The following SHROOM2 variants were observed in gnomAD, a reference collection of about 807,000 sequenced individuals.
SHROOM2 encodes the protein protein Shroom2.
SHROOM2 carries 33 observed loss-of-function variants against 75.9 expected under a neutral mutation model. The observed-to-expected ratio is 0.43, with a 90% CI of 0.33 to 0.58. The LOEUF is 0.58. Among genes scored for constraint, SHROOM2 ranks in the 20% least tolerant of loss-of-function variants. SHROOM2 has a pLI of 0.04. For synonymous variants in SHROOM2, 655 were observed against 663.6 expected (o/e 0.99, Z 0.20); for missense variants, 1,434 against 1,461.2 (o/e 0.98, Z 0.30).
At chrX:9,860,631 C>T (rs1343470517) in intron 1 of SHROOM2, among the ~76,000 whole-genome samples, 2 of 111,406 alleles carry the variant, frequency 1.8e-5, no homozygotes, top group African/African-American at 3.3e-5. Flanking sequence ...ACCATGTTGC[C>T]CAAGCTGGTC....
intron 1 of SHROOM2, among the ~76,000 whole-genome samples, chrX:9,856,044 T>A (rs866455723): frequency 1.3e-3 from 137 of 106,703 alleles, no homozygotes; most frequent in Middle Eastern, 4.8e-3. Flanking sequence ...TTTTTTTTTT[T>A]AAAGCAAAAC....
chrX:9,929,844 T>C (rs1425828594), intron 5 of SHROOM2, among the ~76,000 whole-genome samples: 2 of 111,611 alleles, frequency 1.8e-5, no homozygotes, highest in Non-Finnish European at 3.8e-5. Context: ...AATTGAATCA[T>C]GGGGCCTGGT....
At chrX:9,827,153 C>G (rs1007574051) in intron 1 of SHROOM2, among the ~76,000 whole-genome samples, 4 of 109,666 alleles carry the variant, frequency 3.6e-5, no homozygotes, top group Non-Finnish European at 7.6e-5. Flanking sequence ...CTAAAGAACA[C>G]CAGGAGAGTC....
chrX:9,818,889 A>G, intron 1 of SHROOM2: 4 of 537,805 alleles, frequency 7.4e-6, no homozygotes, highest in Non-Finnish European at 1.4e-5. Flanking sequence ...TGCACCTTTG[A>G]GCTTCCTCAG....
chrX:9,807,827 C>T (rs1480589159), intron 1 of SHROOM2, among the ~76,000 whole-genome samples: 1 of 111,983 alleles, frequency 8.9e-6, no homozygotes, highest in Non-Finnish European at 1.9e-5. Context: ...TTCCTGCCCG[C>T]CCTAGGCTGC....
At chrX:9,848,510 C>CAA (rs774991614) in intron 1 of SHROOM2, among the ~76,000 whole-genome samples, 7 of 21,970 alleles carry the variant, frequency 3.2e-4, no homozygotes, top group Admixed American at 1.5e-3. Context: ...GACTCCGTCT[C>CAA]AAAAAAAAAA....
chrX:9,864,441 G>C (rs1033429811), intron 1 of SHROOM2, among the ~76,000 whole-genome samples: 28 of 111,301 alleles, frequency 2.5e-4, no homozygotes, highest in African/African-American at 7.8e-4. Context: ...GACCAAAGCA[G>C]GAGGTCAAGG....
At chrX:9,941,971 CA>C (rs56088322) in intron 8 of SHROOM2, among the ~76,000 whole-genome samples, 178 of 54,437 alleles carry the variant, frequency 3.3e-3, no homozygotes, top group Non-Finnish European at 5.0e-3. Context: ...GACTCCGTCT[CA>C]AAAAAAAAAA....
At chrX:9,821,786 A>G (rs1305120201) in intron 1 of SHROOM2, among the ~76,000 whole-genome samples, 5 of 111,738 alleles carry the variant, frequency 4.5e-5, no homozygotes. Context: ...CGGAGTGCAG[A>G]GGGGAGGGTC....
chrX:9,792,910 A>G (rs185745881), intron 1 of SHROOM2, among the ~76,000 whole-genome samples: 2 of 110,982 alleles, frequency 1.8e-5, no homozygotes, highest in African/African-American at 6.6e-5. Flanking sequence ...GGGTTTCACC[A>G]TGGTAGCCAG....
Position 9,896,210 on chromosome X carries a change from A to T in SHROOM2, c.2302A>T (p.Lys768Ter). The stretch of plus-strand genomic sequence containing the variant: ...ATTGAAGTCCTACTCGGAACCTGAG[A>T]AGATGAACGAGGTGGGCCTCACGAG... Reference protein sequence around the residue: ...QKLKSYSEPEKMNEVGLTRGY... With the variant: ...QKLKSYSEPE The change falls in exon 4 of 10, where the codon AAG becomes TAG. Residue 768 changes from lysine (K) to a stop codon, truncating the protein, a stop_gained. Coordinates refer to ENST00000380913, the MANE Select transcript of SHROOM2 (RefSeq NM_001649.4). LOFTEE classifies it high-confidence loss of function. 2 of 1,211,559 alleles carry T rather than the reference A, an allele frequency of 1.7e-6. No individual in the cohort carries two copies. The highest frequency in any genetic ancestry group is 2.2e-6 in the Non-Finnish European group (2 of 895,467).
intron 1 of SHROOM2, among the ~76,000 whole-genome samples, chrX:9,862,870 C>A (rs1004059226): frequency 8.9e-6 from 1 of 112,345 alleles, no homozygotes; most frequent in African/African-American, 3.2e-5. Context: ...CTGTAAATTC[C>A]TCTGACACAC....
chrX:9,810,460 A>G (rs1022854059), intron 1 of SHROOM2, among the ~76,000 whole-genome samples: 3 of 111,076 alleles, frequency 2.7e-5, no homozygotes, highest in Non-Finnish European at 5.7e-5. Context: ...CCCAGCCAAC[A>G]CTGTAACTCC....
At chrX:9,858,110 G>A (rs1429580441) in intron 1 of SHROOM2, among the ~76,000 whole-genome samples, 2 of 112,027 alleles carry the variant, frequency 1.8e-5, no homozygotes, top group Non-Finnish European at 3.8e-5. Context: ...AAAAAAGAAA[G>A]ATAGCCCTTG....
intron 5 of SHROOM2, among the ~76,000 whole-genome samples, chrX:9,898,827 A>T (rs1249166504): frequency 8.9e-6 from 1 of 112,113 alleles, no homozygotes; most frequent in Non-Finnish European, 1.9e-5. Flanking sequence ...CCTCCCAAAG[A>T]GAGGCTTCAA....
chrX:9,837,253 C>G (rs763885392), intron 1 of SHROOM2, among the ~76,000 whole-genome samples: 1 of 112,632 alleles, frequency 8.9e-6, no homozygotes, highest in East Asian at 2.8e-4. Context: ...CGCATAAGTC[C>G]TTAGAACATC....
chrX:9,799,869 C>T (rs1400750725), intron 1 of SHROOM2, among the ~76,000 whole-genome samples: 2 of 111,602 alleles, frequency 1.8e-5, no homozygotes, highest in African/African-American at 3.3e-5. Flanking sequence ...ATCAACTTTT[C>T]GTCTGAACTC....
At chrX:9,918,794 T>TG (rs934972246) in intron 5 of SHROOM2, among the ~76,000 whole-genome samples, 3 of 111,945 alleles carry the variant, frequency 2.7e-5, no homozygotes, top group Admixed American at 1.9e-4. Flanking sequence ...TATCCTTGAG[T>TG]GCTTCTTATG....
rs2084314167 is a variant in SHROOM2 at position 9,894,680 on chromosome X, C to T, written c.772C>T (p.Pro258Ser). ...GGRQAQAAGD[P>S]QGSEEKLSCF... ...CCGGCAGGCCCAGGCCGCAGGCGAC[C>T]CTCAGGGCTCGGAGGAGAAGCTCAG... The change falls in exon 4 of 10, where the codon CCT becomes TCT. Residue 258 changes from proline (P) to serine (S), a missense_variant. This residue lies in a region of SHROOM2 where 1,340 missense variants were observed against 1,338.3 expected (regional missense o/e 1.00). Transcript: ENST00000380913. 1 of 1,210,197 alleles carries T rather than the reference C, an allele frequency of 8.3e-7. No homozygotes were observed.
Sources: gnomAD v4.1 joint callset for allele counts (sites outside exome capture counted in the v4.1 genomes callset) on GRCh38, gnomAD v4.1.1 for gene constraint, gnomAD v4.1.1 regional missense constraint, MANE v1.5 for transcripts, NCBI Gene and HGNC (gene_info 2026-07-23, HGNC 2026-07-21) for gene names.